The following FTO variants were observed in gnomAD, a reference collection of about 807,000 sequenced individuals.
FTO encodes the protein FTO alpha-ketoglutarate dependent dioxygenase.
A neutral mutation model predicts 63.9 loss-of-function variants in FTO; 47 were observed. That is an observed-to-expected ratio of 0.74 (90% confidence interval 0.58 to 0.94). The LOEUF is 0.94. Among genes scored for constraint, FTO ranks in the 40% least tolerant of loss-of-function variants. The pLI, the probability that FTO is intolerant of heterozygous loss-of-function variation, is 0.00. For synonymous variants in FTO, 207 were observed against 224.4 expected (o/e 0.92, Z 0.69); for missense variants, 562 against 618.1 (o/e 0.91, Z 0.96).
intron 3 of FTO, among the ~76,000 whole-genome samples, chr16:53,835,570 T>A (rs970798544): frequency 1.4e-4 from 21 of 152,318 alleles, no homozygotes; most frequent in African/African-American, 5.1e-4. Flanking sequence ...GAGTTCTGAA[T>A]TTTTCTTCAG....
In FTO at chr16:53,994,721, A is replaced by G. The variant is rs367991485; in HGVS notation, c.1364+60612A>G. Among the ~76,000 whole-genome samples the G allele has an allele frequency of 3.0e-4, 46 of 150,844 alleles. No homozygotes were observed. The South Asian group carries it at 8.4e-3, about 27-fold the overall frequency. On this transcript the variant is annotated intron_variant, in intron 8 of 8. Coordinates refer to ENST00000471389, the MANE Select transcript of FTO (RefSeq NM_001080432.3). ...CAAAATTGTGCCCTTCCTTTCTGTC[A>G]ACTCAAGTGTTTCCTCCTTTTTTTT...
chr16:53,847,828 A>G (rs1308726019), intron 4 of FTO, among the ~76,000 whole-genome samples: 1 of 151,886 alleles, frequency 6.6e-6, no homozygotes, highest in Non-Finnish European at 1.5e-5. Context: ...TATTCATTGG[A>G]TTTTGGTGTT....
At position 53,869,023 on chromosome 16, in the gene FTO, G is replaced by C. The variant is rs2080412504; in HGVS notation, c.896-4763G>C. ...ATTTTTGTATTTTTAGTATAGACAG[G>C]GTTTTACCATGTTGGTCAGGCTGGT... On this transcript the variant is annotated intron_variant, in intron 4 of 8. Transcript: ENST00000471389. Among the ~76,000 whole-genome samples, 3 of 151,970 alleles carry C rather than the reference G, an allele frequency of 2.0e-5. No homozygotes were observed. In the South Asian group the frequency reaches 6.2e-4, roughly 31 times the overall value.
intron 1 of FTO, among the ~76,000 whole-genome samples, chr16:53,764,656 TA>T (rs146231646): frequency 0.056 from 8,536 of 152,190 alleles, 350 homozygotes; most frequent in Non-Finnish European, 0.089. Flanking sequence ...ATCTCTCTTT[TA>T]AAAAATGCAA....
At chr16:54,048,697 CT>C (rs1254253930) in intron 8 of FTO, among the ~76,000 whole-genome samples, 1 of 151,008 alleles carries the variant, frequency 6.6e-6, no homozygotes, top group Admixed American at 6.6e-5. Context: ...AACATGAGCC[CT>C]CTCTCATTAT....
intron 1 of FTO, among the ~76,000 whole-genome samples, chr16:53,745,110 A>G (rs1168281494): frequency 6.6e-6 from 1 of 152,190 alleles, no homozygotes; most frequent in African/African-American, 2.4e-5. Context: ...TTGCCAAACA[A>G]TCTGGTTTGG....
chr16:54,073,420 A>G (rs975493269), intron 8 of FTO, among the ~76,000 whole-genome samples: 6 of 152,088 alleles, frequency 3.9e-5, no homozygotes. Context: ...GCAAGTTTAT[A>G]ATGGTCTTCA....
chr16:53,858,887 T>G (rs2080087955), intron 4 of FTO, among the ~76,000 whole-genome samples: 1 of 151,984 alleles, frequency 6.6e-6, no homozygotes, highest in South Asian at 2.1e-4. Context: ...TCTCGATCTC[T>G]TGACCTCATG....
At chr16:54,088,611 CA>C (rs1454225198) in intron 8 of FTO, among the ~76,000 whole-genome samples, 2 of 152,136 alleles carry the variant, frequency 1.3e-5, no homozygotes, top group Non-Finnish European at 2.9e-5. Context: ...GAATGCCCCA[CA>C]AATAAACAGA....
At chr16:53,844,029 G>T in intron 3 of FTO, 126 bp from the exon 4 acceptor site, 1 of 739,100 alleles carries the variant, frequency 1.4e-6, no homozygotes. Flanking sequence ...TGACATAAAG[G>T]GAAGATATAT....
At chr16:53,835,992 G>A (rs1334446709) in intron 3 of FTO, among the ~76,000 whole-genome samples, 1 of 151,150 alleles carries the variant, frequency 6.6e-6, no homozygotes, top group Non-Finnish European at 1.5e-5. Flanking sequence ...CCAGGTTCAA[G>A]TGATTCTTCT....
At chr16:54,049,427 GA>G (rs2085262676) in intron 8 of FTO, among the ~76,000 whole-genome samples, 1 of 151,902 alleles carries the variant, frequency 6.6e-6, no homozygotes, top group African/African-American at 2.4e-5. Flanking sequence ...ACCCAGAGAG[GA>G]AAAAATGCTC....
chr16:53,954,884 C>T (rs2082890584), intron 8 of FTO, among the ~76,000 whole-genome samples: 1 of 151,834 alleles, frequency 6.6e-6, no homozygotes, highest in Non-Finnish European at 1.5e-5. Context: ...GAGTGAGTGG[C>T]ATGATTTAGA....
At chr16:53,951,558 G>A (rs1383516248) in intron 8 of FTO, among the ~76,000 whole-genome samples, 2 of 152,098 alleles carry the variant, frequency 1.3e-5, no homozygotes, top group African/African-American at 4.8e-5. Context: ...AGACACTGAT[G>A]AATACTTTTT....
At chr16:53,784,483 C>T (rs554772399) in intron 1 of FTO, among the ~76,000 whole-genome samples, 3 of 152,246 alleles carry the variant, frequency 2.0e-5, no homozygotes, top group African/African-American at 7.2e-5. Context: ...GATTCCTTTT[C>T]CCTGACTTGG....
Position 54,114,840 on chromosome 16 carries a change from G to A in FTO, c.*2925G>A, listed in dbSNP as rs959973190. 4.6e-5 allele frequency: 7 copies of A among 152,530 alleles called. No individual in the cohort carries two copies. Among genetic ancestry groups the A allele is most frequent in the Admixed American group, 6.5e-5 (1 of 15,286 alleles). 9.4% of individuals were successfully genotyped at this position (152,530 alleles called of 1,614,324 possible). A position where few individuals can be genotyped will look rare whatever the true frequency, so the allele number is the denominator to read the frequency against. ...AAATCGCTTGGCCCGGGAGGCGGAG[G>A]TTGCAGTGAGCCGAGATCATGCCAC... On this transcript the variant is annotated 3_prime_UTR_variant, in exon 9 of 9. Coordinates refer to ENST00000471389, the MANE Select transcript of FTO (RefSeq NM_001080432.3).
intron 8 of FTO, among the ~76,000 whole-genome samples, chr16:54,101,981 C>T (rs911641832): frequency 1.7e-4 from 26 of 152,032 alleles, no homozygotes; most frequent in Non-Finnish European, 1.2e-4. Flanking sequence ...AGTGCCTGTT[C>T]GTGTTCTTTG....
chr16:53,887,298 T>A (rs1024932791), intron 6 of FTO, among the ~76,000 whole-genome samples: 20 of 152,210 alleles, frequency 1.3e-4, no homozygotes, highest in African/African-American at 4.8e-4. Flanking sequence ...TTTCTGATAG[T>A]CTTGAGACTC....
intron 5 of FTO, 105 bp downstream of exon 5, chr16:53,873,970 G>A (rs771494444): frequency 1.4e-5 from 12 of 844,634 alleles, no homozygotes; most frequent in Non-Finnish European, 2.4e-5. Flanking sequence ...TGGGAAAATT[G>A]CTTCCATCTA....
Sources: allele counts gnomAD v4.1 joint callset (sites outside exome capture counted in the v4.1 genomes callset), GRCh38; gene constraint gnomAD v4.1.1; transcripts MANE v1.5; gene names NCBI Gene and HGNC (gene_info 2026-07-23, HGNC 2026-07-21).